The following ATF2 variants were observed in gnomAD, a reference collection of about 807,000 sequenced individuals.
ATF2 encodes activating transcription factor 2.
In ATF2, 24 loss-of-function variants were observed where a neutral mutation model predicts 60.6. That is an observed-to-expected ratio of 0.40 (90% CI 0.29 to 0.56). ATF2 has a LOEUF of 0.56. ATF2 is among the 20% of genes least tolerant of loss of function. The pLI is 0.54. For missense variants in ATF2, 433 were observed against 607.7 expected (o/e 0.71, Z 3.02); for synonymous variants, 206 against 215.4 (o/e 0.96, Z 0.38).
At chr2:175,162,229 T>A (rs1209617961) in intron 1 of ATF2, among the ~76,000 whole-genome samples, 2 of 152,230 alleles carry the variant, frequency 1.3e-5, no homozygotes, top group African/African-American at 4.8e-5. Context: ...ATTTGTCACA[T>A]CACATAGATC....
intron 2 of ATF2, among the ~76,000 whole-genome samples, chr2:175,137,495 A>C (rs550918420): frequency 6.6e-6 from 1 of 152,336 alleles, no homozygotes; most frequent in African/African-American, 2.4e-5. Flanking sequence ...GTTTAGTACA[A>C]GGAATATTTA....
chr2:175,163,748 C>A (rs553666006), intron 1 of ATF2, among the ~76,000 whole-genome samples: 1 of 150,532 alleles, frequency 6.6e-6, no homozygotes, highest in Non-Finnish European at 1.5e-5. Flanking sequence ...CATGGTGAAA[C>A]CCCGTTTCTA....
chr2:175,124,901 C>A (rs914903509), intron 4 of ATF2, among the ~76,000 whole-genome samples: 2 of 151,840 alleles, frequency 1.3e-5, no homozygotes, highest in African/African-American at 4.8e-5. Context: ...TACTAAATTC[C>A]AAGGAGCATC....
chr2:175,149,287 G>A lies in ATF2; in HGVS notation c.-44+1773C>T, dbSNP rs79301860. 1.4e-3 allele frequency among the ~76,000 whole-genome samples: 214 copies of A among 152,214 alleles called. 3 individuals carry two copies. Among genetic ancestry groups the A allele is most frequent in the South Asian group, 0.013 (65 of 4,826 alleles). The stretch of plus-strand genomic sequence containing the variant: ...CTTTAAAATTGTTAAAGGTGGGGGC[G>A]GGGACACAAAGAAGACTATGCAACA... On this transcript the variant is annotated intron_variant, in intron 2 of 13. Coordinates refer to ENST00000264110, the MANE Select transcript of ATF2 (RefSeq NM_001880.4).
At chr2:175,121,226 C>A (rs114497167) in intron 5 of ATF2, among the ~76,000 whole-genome samples, 1 of 151,520 alleles carries the variant, frequency 6.6e-6, no homozygotes, top group South Asian at 2.1e-4. Context: ...TCCACAAAAT[C>A]GACATTGGAA....
chr2:175,076,019 T>C (rs572517273), intron 13 of ATF2, among the ~76,000 whole-genome samples: 3 of 152,288 alleles, frequency 2.0e-5, no homozygotes, highest in African/African-American at 7.2e-5. Context: ...TGCTTACTAA[T>C]GGCCAGATGC....
At chr2:175,109,267 G>C (rs1206878190) in intron 10 of ATF2, among the ~76,000 whole-genome samples, 2 of 151,396 alleles carry the variant, frequency 1.3e-5, no homozygotes, top group African/African-American at 4.9e-5. Flanking sequence ...CAGGAGAATG[G>C]ACAAAGAAAT....
intron 4 of ATF2, among the ~76,000 whole-genome samples, chr2:175,124,999 TA>T (rs1697228483): frequency 6.6e-6 from 1 of 152,040 alleles, no homozygotes; most frequent in Non-Finnish European, 1.5e-5. Flanking sequence ...ACAAGTCTAG[TA>T]TTAAAAACTC....
At chr2:175,088,167 T>C (rs1389070969) in intron 12 of ATF2, among the ~76,000 whole-genome samples, 1 of 152,140 alleles carries the variant, frequency 6.6e-6, no homozygotes. Flanking sequence ...GCTTCAAATG[T>C]AAGTATTAGA....
intron 9 of ATF2, 138 bp downstream of exon 9, chr2:175,113,853 AATG>A: frequency 1.3e-6 from 1 of 781,996 alleles, no homozygotes; most frequent in Non-Finnish European, 2.1e-6. Flanking sequence ...ATGCTATTAC[AATG>A]ATAACAAATA....
intron 11 of ATF2, among the ~76,000 whole-genome samples, chr2:175,094,259 T>C (rs1382421224): frequency 6.6e-6 from 1 of 151,574 alleles, no homozygotes; most frequent in East Asian, 1.9e-4. Flanking sequence ...CTGAGCGTGG[T>C]GGTGCATGCC....
At chr2:175,097,725 T>C in intron 10 of ATF2, 132 bp from the exon 11 acceptor site, 1 of 928,630 alleles carries the variant, frequency 1.1e-6, no homozygotes, top group East Asian at 2.7e-5. Context: ...GGATTCTGTA[T>C]TTTGCTGTTC....
chr2:175,129,396 C>T (rs889345482), intron 4 of ATF2, among the ~76,000 whole-genome samples: 11 of 151,898 alleles, frequency 7.2e-5, no homozygotes, highest in Non-Finnish European at 8.8e-5. Context: ...TTTGAGTATA[C>T]GTGTGTTAAA....
intron 8 of ATF2, 166 bp downstream of exon 8, chr2:175,114,524 A>T: frequency 7.5e-7 from 1 of 1,327,866 alleles, no homozygotes. Flanking sequence ...CTGTTAGTTA[A>T]TATTTATATT....
At chr2:175,147,915 C>T (rs1206846761) in intron 2 of ATF2, 1 of 152,062 alleles carries the variant, frequency 6.6e-6, no homozygotes, top group Non-Finnish European at 1.5e-5. Flanking sequence ...CCTGACATAC[C>T]TGCCTCAGGT....
rs144984430 is a variant in ATF2 at position 175,150,403 on chromosome 2, C to A, written c.-44+657G>T. Among the ~76,000 whole-genome samples, 43 of 152,030 alleles carry A rather than the reference C, an allele frequency of 2.8e-4. No individual in the cohort carries two copies. In the East Asian group the frequency reaches 7.5e-3, roughly 27 times the overall value. ...CTACATTTATTAAATTGGTATTTTCCTTCCATATTTAGAAGCTACATCCCC... is the reference window on the plus strand; with the variant it reads ...CTACATTTATTAAATTGGTATTTTCATTCCATATTTAGAAGCTACATCCCC... On this transcript the variant is annotated intron_variant, in intron 2 of 13. Transcript: ENST00000264110.
intron 2 of ATF2, among the ~76,000 whole-genome samples, chr2:175,147,317 G>A (rs1295022083): frequency 6.6e-6 from 1 of 152,124 alleles, no homozygotes; most frequent in East Asian, 1.9e-4. Flanking sequence ...AAAAACAAAT[G>A]AGGAAAGCAA....
At chr2:175,102,929 T>C (rs998741515) in intron 10 of ATF2, among the ~76,000 whole-genome samples, 88 of 152,334 alleles carry the variant, frequency 5.8e-4, no homozygotes, top group African/African-American at 2.1e-3. Context: ...TTTTCAGTGA[T>C]GTAAAGTTCA....
intron 10 of ATF2, among the ~76,000 whole-genome samples, chr2:175,109,184 A>AAAAAAAAAAAAAC (rs1695995251): frequency 6.6e-6 from 1 of 150,950 alleles, no homozygotes. Flanking sequence ...AAAAAAAAAA[A>AAAAAAAAAAAAAC]AAAAAAAAAG....
Sources: gnomAD v4.1 joint callset for allele counts (sites outside exome capture counted in the v4.1 genomes callset) on GRCh38, gnomAD v4.1.1 for gene constraint, MANE v1.5 for transcripts, NCBI Gene and HGNC (gene_info 2026-07-23, HGNC 2026-07-21) for gene names.